CNTNAP3B: variants seen among roughly 807,000 people sequenced by gnomAD.
CNTNAP3B encodes the protein contactin associated protein family member 3B.
A neutral mutation model predicts 108.9 loss-of-function variants in CNTNAP3B; 25 were observed. The ratio of observed to expected loss-of-function variants is 0.23; its 90% CI spans 0.17 to 0.32. The LOEUF is 0.32. Ranked by LOEUF, CNTNAP3B falls within the 10% of genes least tolerant of loss-of-function variation. The pLI, the probability that CNTNAP3B is intolerant of heterozygous loss-of-function variation, is 1.00. For synonymous variants in CNTNAP3B, 103 were observed against 473.4 expected (o/e 0.22, Z 10.16); for missense variants, 252 against 1,210.4 (o/e 0.21, Z 11.75).
chr9:41,931,686 G>A (rs1198236303), intron 14 of CNTNAP3B, among the ~76,000 whole-genome samples: 2 of 150,506 alleles, frequency 1.3e-5, no homozygotes, highest in African/African-American at 4.9e-5. Flanking sequence ...GCTTTAGAGT[G>A]GACTGATGGT....
In CNTNAP3B at chr9:42,047,758, C is replaced by A. The variant is rs1826906752; in HGVS notation, c.390+29111G>T. ...CCCCTCGCCCCTCTCACCTGCATCT[C>A]CTTTTCATCCTTTCTCCCTCTCTTG... On this transcript the variant is annotated intron_variant, in intron 3 of 23. Transcript: ENST00000377561. Among the ~76,000 whole-genome samples, 5 of 106,780 alleles carry A rather than the reference C, an allele frequency of 4.7e-5. 1 individual carries two copies. In the South Asian group the frequency reaches 1.6e-3, roughly 34 times the overall value. The allele number at this position is 106,780 out of a possible 152,430, so 70.1% of individuals were successfully genotyped here. A position where few individuals can be genotyped will look rare whatever the true frequency, so the allele number is the denominator to read the frequency against.
chr9:41,955,487 C>G (rs1264569946), intron 12 of CNTNAP3B, among the ~76,000 whole-genome samples: 1 of 152,302 alleles, frequency 6.6e-6, no homozygotes. Flanking sequence ...CATATTGGAA[C>G]TGGAAAGGAT....
chr9:42,018,621 G>A lies in CNTNAP3B; in HGVS notation c.391-5096C>T, dbSNP rs554923925. Among the ~76,000 whole-genome samples, 8 of 151,626 alleles carry A rather than the reference G, an allele frequency of 5.3e-5. No homozygotes were observed. In the East Asian group the frequency reaches 1.6e-3, roughly 30 times the overall value. On this transcript the variant is annotated intron_variant, in intron 3 of 23. Coordinates refer to ENST00000377561, the MANE Select transcript of CNTNAP3B (RefSeq NM_001201380.3). The stretch of plus-strand genomic sequence containing the variant: ...TGGGGCTGCCACAGAGCCCTCCCAA[G>A]GACACAGACAGGACTGTGAGGCCAC...
chr9:42,107,845 C>T (rs1448151320), intron 1 of CNTNAP3B, among the ~76,000 whole-genome samples: 6 of 130,334 alleles, frequency 4.6e-5, no homozygotes, highest in South Asian at 5.0e-4. Context: ...CATGGTGGCA[C>T]GTGCCCATAG....
chr9:42,075,519 C>T (rs1315593536), intron 3 of CNTNAP3B, among the ~76,000 whole-genome samples: 2 of 132,924 alleles, frequency 1.5e-5, no homozygotes, highest in African/African-American at 6.0e-5. Context: ...AGAACCTTAA[C>T]CTTTACGCTC....
intron 13 of CNTNAP3B, among the ~76,000 whole-genome samples, chr9:41,951,089 G>GT (rs1418933299): frequency 8.4e-6 from 1 of 119,080 alleles, no homozygotes; most frequent in African/African-American, 3.1e-5. Context: ...GAAATACTGT[G>GT]TATCTTGACT....
chr9:42,035,887 ACTC>A (rs1179523939), intron 3 of CNTNAP3B, among the ~76,000 whole-genome samples: 5 of 141,712 alleles, frequency 3.5e-5, no homozygotes, highest in Non-Finnish European at 7.6e-5. Flanking sequence ...TTGGTCTAAA[ACTC>A]CTGACCTCGG....
chr9:41,921,515 T>C (rs1380229158), intron 17 of CNTNAP3B, among the ~76,000 whole-genome samples: 2 of 151,348 alleles, frequency 1.3e-5, no homozygotes, highest in African/African-American at 2.4e-5. Context: ...TGTGATTTAG[T>C]CCAGTTTTAA....
At position 42,097,093 on chromosome 9, in the gene CNTNAP3B, A is replaced by T. The variant is rs560985561; in HGVS notation, c.196+7536T>A. On this transcript the variant is annotated intron_variant, in intron 2 of 23. Coordinates refer to ENST00000377561, the MANE Select transcript of CNTNAP3B (RefSeq NM_001201380.3). ...GATGTTAGGTGTGCCACCTTCAATG[A>T]TGGCTGTGTGGATCCAATATCTGCT... is the stretch of plus-strand genomic sequence containing the variant. Among the ~76,000 whole-genome samples the T allele has an allele frequency of 3.1e-4, 44 of 139,988 alleles. 9 individuals carry two copies. Among genetic ancestry groups the T allele is most frequent in the African/African-American group, 1.2e-3 (44 of 35,384 alleles). The allele number at this position is 139,988 out of a possible 152,430, so 91.8% of individuals were successfully genotyped here.
At chr9:42,122,435 T>C (rs1220590796) in intron 1 of CNTNAP3B, among the ~76,000 whole-genome samples, 1 of 135,176 alleles carries the variant, frequency 7.4e-6, no homozygotes, top group Non-Finnish European at 1.6e-5. Flanking sequence ...TGACAGCCTG[T>C]GCTATAAAAT....
At chr9:41,927,502 C>A (rs1334771546) in intron 15 of CNTNAP3B, among the ~76,000 whole-genome samples, 3 of 149,224 alleles carry the variant, frequency 2.0e-5, no homozygotes, top group South Asian at 4.2e-4. Context: ...AGTATAAAAG[C>A]CAGACTGAAT....
chr9:41,940,456 G>C (rs987896012), intron 13 of CNTNAP3B, among the ~76,000 whole-genome samples: 8 of 152,300 alleles, frequency 5.3e-5, no homozygotes, highest in African/African-American at 1.7e-4. Context: ...TTTCAGGGCT[G>C]ATAGAAAAGA....
At chr9:42,062,003 AT>A (rs1354256950) in intron 3 of CNTNAP3B, among the ~76,000 whole-genome samples, 30 of 82,098 alleles carry the variant, frequency 3.7e-4, no homozygotes, top group African/African-American at 1.3e-3. Flanking sequence ...GTGCACACAT[AT>A]TTACAACTGT....
At chr9:41,939,700 T>A (rs1472552031) in intron 13 of CNTNAP3B, among the ~76,000 whole-genome samples, 1 of 152,272 alleles carries the variant, frequency 6.6e-6, no homozygotes, top group African/African-American at 2.4e-5. Flanking sequence ...AGCAAAACAC[T>A]CATTATATCC....
At chr9:41,943,167 A>G (rs1329709511) in intron 13 of CNTNAP3B, among the ~76,000 whole-genome samples, 1 of 152,286 alleles carries the variant, frequency 6.6e-6, no homozygotes, top group Non-Finnish European at 1.5e-5. Flanking sequence ...AAGGAAATAC[A>G]GAGATTAAAA....
At chr9:42,047,587 TTCCC>T (rs1587229120) in intron 3 of CNTNAP3B, among the ~76,000 whole-genome samples, 2 of 31,872 alleles carry the variant, frequency 6.3e-5, no homozygotes, top group Admixed American at 3.3e-4. Flanking sequence ...CTTCCCTTCC[TTCCC>T]TCCCTCCCTC....
intron 11 of CNTNAP3B, among the ~76,000 whole-genome samples, chr9:41,961,756 A>T (rs1446552832): frequency 1.8e-4 from 28 of 152,302 alleles, no homozygotes; most frequent in Non-Finnish European, 3.7e-4. Context: ...AATTCAAAAC[A>T]GGAGAGAAAC....
At chr9:42,081,400 G>GT (rs1827612875) in intron 2 of CNTNAP3B, among the ~76,000 whole-genome samples, 1 of 144,874 alleles carries the variant, frequency 6.9e-6, no homozygotes, top group Non-Finnish European at 1.5e-5. Flanking sequence ...AATTATTAAA[G>GT]TTTTGCCACT....
rs1272448351 is a variant in CNTNAP3B, at chr9:42,079,646, C to T, written c.197-2584G>A. Among the ~76,000 whole-genome samples the T allele has an allele frequency of 1.5e-5, 2 of 135,638 alleles. 1 individual carries two copies. The highest frequency in any genetic ancestry group is 5.9e-5 in the African/African-American group (2 of 33,670). The allele number at this position is 135,638 out of a possible 152,430, so 89.0% of individuals were successfully genotyped here. A position where few individuals can be genotyped will look rare whatever the true frequency, so the allele number is the denominator to read the frequency against. ...AAGCAATTCTCCTGCCTCAGCCACC[C>T]AAGTAGCCGGGATTACAGGTACATG... On this transcript the variant is annotated intron_variant, in intron 2 of 23. Transcript: ENST00000377561.
Sources: allele counts gnomAD v4.1 joint callset (sites outside exome capture counted in the v4.1 genomes callset), GRCh38; gene constraint gnomAD v4.1.1; transcripts MANE v1.5; gene names NCBI Gene and HGNC (gene_info 2026-07-23, HGNC 2026-07-21).